Variants in RBFOX1 observed in about 807,000 individuals in gnomAD.
RBFOX1 encodes RNA binding fox-1 homolog 1, also known as RNA binding protein fox-1 homolog 1.
RBFOX1 carries 8 observed loss-of-function variants against 57.7 expected under a neutral mutation model. That is an observed-to-expected ratio of 0.14 (90% CI 0.08 to 0.25). The LOEUF is 0.25. Ranked by LOEUF, RBFOX1 falls within the 10% of genes least tolerant of loss-of-function variation. The pLI, the probability that RBFOX1 is intolerant of heterozygous loss-of-function variation, is 1.00. For synonymous variants in RBFOX1, 326 were observed against 222.4 expected (o/e 1.47, Z -4.15); for missense variants, 611 against 548.5 (o/e 1.11, Z -1.14).
In RBFOX1 at chr16:6,654,677, G is replaced by T. The variant is rs751236639; in HGVS notation, c.-16+27G>T. 6.0e-6 allele frequency: 9 copies of T among 1,489,076 alleles called. No individual in the cohort carries two copies. The African/African-American group carries it at 1.3e-4, about 21-fold the overall frequency. The allele number at this position is 1,489,076 out of a possible 1,614,324, so 92.2% of individuals were successfully genotyped here. ...TGAGTCAATATTTTTCATTTTTAGG[G>T]TTGCAAACAAAACAAGAACTCTGTG... On this transcript the variant is annotated intron_variant, in intron 3 of 15. Transcript: ENST00000550418.
At chr16:7,088,936 C>T (rs1191085501) in intron 4 of RBFOX1, among the ~76,000 whole-genome samples, 1 of 152,180 alleles carries the variant, frequency 6.6e-6, no homozygotes, top group Non-Finnish European at 1.5e-5. Flanking sequence ...AGTCCCTGCT[C>T]TGGTTCAACT....
At chr16:7,104,522 A>G (rs546496573) in intron 4 of RBFOX1, among the ~76,000 whole-genome samples, 14 of 152,284 alleles carry the variant, frequency 9.2e-5, no homozygotes, top group African/African-American at 2.9e-4. Flanking sequence ...TTTAAAAGCA[A>G]TGGCTTACCT....
chr16:6,565,222 A>G (rs1204090663), intron 2 of RBFOX1, among the ~76,000 whole-genome samples: 2 of 151,100 alleles, frequency 1.3e-5, no homozygotes, highest in African/African-American at 4.8e-5. Flanking sequence ...ACAAATAGCC[A>G]TAGGCCCCCA....
At chr16:5,763,290 T>A (rs1053248521) in intron 3 of RBFOX1, among the ~76,000 whole-genome samples, 1 of 152,228 alleles carries the variant, frequency 6.6e-6, no homozygotes, top group African/African-American at 2.4e-5. Context: ...GGAAGTGTCA[T>A]GTCTGGGAAA....
At chr16:6,100,231 C>T (rs1232995648) in intron 1 of RBFOX1, among the ~76,000 whole-genome samples, 1 of 151,958 alleles carries the variant, frequency 6.6e-6, no homozygotes, top group Admixed American at 6.6e-5. Context: ...GGCCCGATCT[C>T]GGCTCACTGC....
chr16:6,937,722 T>A (rs558374734), intron 3 of RBFOX1, among the ~76,000 whole-genome samples: 1 of 152,096 alleles, frequency 6.6e-6, no homozygotes, highest in South Asian at 2.1e-4. Context: ...TAGAAAAGAA[T>A]GTCTGGGTTA....
chr16:6,563,066 G>T (rs1211664741), intron 2 of RBFOX1, among the ~76,000 whole-genome samples: 1 of 151,618 alleles, frequency 6.6e-6, no homozygotes, highest in Non-Finnish European at 1.5e-5. Flanking sequence ...AGGGGCAGGG[G>T]GCCATGGAGT....
chr16:6,725,596 A>G (rs1362934843), intron 3 of RBFOX1, among the ~76,000 whole-genome samples: 1 of 152,068 alleles, frequency 6.6e-6, no homozygotes, highest in Non-Finnish European at 1.5e-5. Flanking sequence ...AAAATATCCA[A>G]CCATCAGCTC....
intron 7 of RBFOX1, 71 bp from the exon 8 acceptor site, chr16:7,595,478 A>C: frequency 1.7e-6 from 2 of 1,206,860 alleles, no homozygotes; most frequent in Admixed American, 4.2e-5. Context: ...AAAGCGAGAG[A>C]ACATTACCAA....
intron 3 of RBFOX1, among the ~76,000 whole-genome samples, chr16:5,615,196 G>A (rs754963141): frequency 2.0e-5 from 3 of 152,082 alleles, no homozygotes; most frequent in Non-Finnish European, 2.9e-5. Flanking sequence ...TCCCACATCT[G>A]GCTATCTTCA....
intron 5 of RBFOX1, among the ~76,000 whole-genome samples, chr16:7,546,599 A>T (rs1601511234): frequency 6.6e-6 from 1 of 152,164 alleles, no homozygotes; most frequent in Non-Finnish European, 1.5e-5. Flanking sequence ...TAGAAAATAG[A>T]TAAAAATGCA....
intron 4 of RBFOX1, among the ~76,000 whole-genome samples, chr16:7,103,128 C>A (rs181897147): frequency 9.3e-5 from 14 of 151,134 alleles, no homozygotes; most frequent in Non-Finnish European, 1.9e-4. Flanking sequence ...TCCAAGCTGT[C>A]GGACCAAAGT....
intron 4 of RBFOX1, among the ~76,000 whole-genome samples, chr16:7,319,287 T>C (rs537764609): frequency 6.6e-6 from 1 of 152,212 alleles, no homozygotes; most frequent in Admixed American, 6.5e-5. Context: ...GAGATGTAAA[T>C]GAATGTGGTA....
At chr16:7,427,095 C>T (rs1430740161) in intron 4 of RBFOX1, among the ~76,000 whole-genome samples, 8 of 152,074 alleles carry the variant, frequency 5.3e-5, no homozygotes, top group Admixed American at 1.3e-4. Flanking sequence ...TGGGGAACAT[C>T]GTGTGACCGG....
chr16:5,897,586 C>G (rs2058198873), intron 4 of RBFOX1, among the ~76,000 whole-genome samples: 1 of 152,124 alleles, frequency 6.6e-6, no homozygotes, highest in Admixed American at 6.5e-5. Context: ...AAGAGAAACT[C>G]TGTGTTAGCA....
intron 3 of RBFOX1, among the ~76,000 whole-genome samples, chr16:7,019,440 T>C (rs970363172): frequency 6.6e-6 from 1 of 152,140 alleles, no homozygotes; most frequent in Non-Finnish European, 1.5e-5. Flanking sequence ...GCATTCATGC[T>C]GTTGTAGGTT....
At chr16:6,397,487 C>G (rs546561670) in intron 2 of RBFOX1, among the ~76,000 whole-genome samples, 2 of 151,908 alleles carry the variant, frequency 1.3e-5, no homozygotes, top group African/African-American at 2.4e-5. Context: ...TGCATTCAGA[C>G]AAATGAAAAT....
rs752036248 is a variant in RBFOX1, at chr16:6,399,694, C to T, written c.-64+82637C>T. ...TGGGTATCTTTACAGCAGTGCACTCCACTACCTCAATAACAGCTTATGTAT... is the reference window on the plus strand; with the variant it reads ...TGGGTATCTTTACAGCAGTGCACTCTACTACCTCAATAACAGCTTATGTAT... On this transcript the variant is annotated intron_variant, in intron 2 of 15. Transcript: ENST00000550418. Among the ~76,000 whole-genome samples the T allele has an allele frequency of 2.6e-5, 4 of 152,302 alleles. No individual in the cohort carries two copies. The South Asian group carries it at 6.2e-4, about 24-fold the overall frequency.
At position 6,019,844 on chromosome 16, in the gene RBFOX1, C is replaced by T. The variant is rs1174223491; in HGVS notation, c.-275C>T. The T allele has an allele frequency of 9.2e-6, 14 of 1,525,318 alleles. No individual in the cohort carries two copies. The highest frequency in any genetic ancestry group is 1.1e-5 in the Non-Finnish European group (13 of 1,140,736). 94.5% of individuals were successfully genotyped at this position (1,525,318 alleles called of 1,614,324 possible). On this transcript the variant is annotated 5_prime_UTR_variant, in exon 1 of 16. Transcript: ENST00000550418. This position sits in a 1 kb window ranked among gnomAD's most constrained non-coding sequence, Gnocchi z 4.2. ...CGCCAGGGCGGGGCTGACCTGCCCGCGAAGTTGCGGACAGTGCGTGAGAAA... is the reference window on the plus strand; with the variant it reads ...CGCCAGGGCGGGGCTGACCTGCCCGTGAAGTTGCGGACAGTGCGTGAGAAA...
Sources: allele counts gnomAD v4.1 joint callset (sites outside exome capture counted in the v4.1 genomes callset), GRCh38; gene constraint gnomAD v4.1.1; non-coding constraint Gnocchi (gnomAD v3.1); transcripts MANE v1.5; gene names NCBI Gene and HGNC (gene_info 2026-07-23, HGNC 2026-07-21).